The following LRP6 variants were observed in gnomAD, a reference collection of about 807,000 sequenced individuals.
LRP6 encodes LDL receptor related protein 6, also known as low-density lipoprotein receptor-related protein 6.
A neutral mutation model predicts 184.1 loss-of-function variants in LRP6; 43 were observed. The observed-to-expected ratio is 0.23, with a 90% CI of 0.18 to 0.30. LRP6 has a LOEUF of 0.30. Among genes scored for constraint, LRP6 ranks in the 10% least tolerant of loss-of-function variants. The pLI is 1.00. For missense variants in LRP6, 1,571 were observed against 2,005.3 expected (o/e 0.78, Z 4.14); for synonymous variants, 719 against 684.9 (o/e 1.05, Z -0.78).
chr12:12,237,546 AC>A (rs754676275), intron 2 of LRP6, among the ~76,000 whole-genome samples: 1 of 152,228 alleles, frequency 6.6e-6, no homozygotes, highest in East Asian at 1.9e-4. Context: ...TGAAAAAAAA[AC>A]TAGCAGACAA....
intron 3 of LRP6, among the ~76,000 whole-genome samples, chr12:12,196,884 C>G (rs1863776515): frequency 6.6e-6 from 1 of 152,030 alleles, no homozygotes; most frequent in Non-Finnish European, 1.5e-5. Context: ...ATGTTAGTAG[C>G]CATCGACGCT....
intron 1 of LRP6, among the ~76,000 whole-genome samples, chr12:12,257,054 T>C (rs1865481816): frequency 6.6e-6 from 1 of 151,932 alleles, no homozygotes; most frequent in African/African-American, 2.4e-5. Flanking sequence ...ATATTCAGAG[T>C]AAGCAAATCC....
At chr12:12,144,022 G>A (rs718403) in intron 15 of LRP6, among the ~76,000 whole-genome samples, 30,245 of 151,976 alleles carry the variant, frequency 0.2, 3,464 homozygotes, top group African/African-American at 0.31. Context: ...GATGTTAACC[G>A]TAAAAAGAAA....
chr12:12,187,385 A>C (rs1369400572), intron 3 of LRP6: 1 of 473,088 alleles, frequency 2.1e-6, no homozygotes, highest in South Asian at 2.2e-5. Context: ...GATACCCGGC[A>C]GAGAGAGAGC....
At chr12:12,249,482 A>T in intron 1 of LRP6, 2 of 658,316 alleles carry the variant, frequency 3.0e-6, no homozygotes, top group Non-Finnish European at 2.7e-6. Context: ...GAAAAGAAAA[A>T]CCACAGGCCC....
intron 18 of LRP6, among the ~76,000 whole-genome samples, chr12:12,131,327 C>T (rs1409801124): frequency 1.3e-5 from 2 of 151,938 alleles, no homozygotes; most frequent in African/African-American, 4.8e-5. Context: ...CCAGGATGGT[C>T]TCTATCTCCT....
At chr12:12,212,483 G>A (rs949654196) in intron 2 of LRP6, among the ~76,000 whole-genome samples, 13 of 152,016 alleles carry the variant, frequency 8.6e-5, no homozygotes, top group Non-Finnish European at 1.3e-4. Context: ...ACAACTGCTC[G>A]GCTAACAAGC....
chr12:12,228,854 C>T (rs1293486374), intron 2 of LRP6, among the ~76,000 whole-genome samples: 1 of 152,106 alleles, frequency 6.6e-6, no homozygotes, highest in South Asian at 2.1e-4. Flanking sequence ...GGGACCACTG[C>T]TCTAGGGAAA....
intron 15 of LRP6, among the ~76,000 whole-genome samples, chr12:12,142,944 A>G: frequency 6.6e-6 from 1 of 152,032 alleles, no homozygotes; most frequent in Non-Finnish European, 1.5e-5. Flanking sequence ...CCTATTCAAC[A>G]CTGTACTGGG....
intron 2 of LRP6, among the ~76,000 whole-genome samples, chr12:12,222,579 GA>G (rs1864520347): frequency 6.9e-6 from 1 of 144,248 alleles, no homozygotes; most frequent in East Asian, 2.0e-4. Context: ...AAAAAAAAAA[GA>G]AAGAAAGAAA....
rs115968797 is a variant in LRP6, at chr12:12,179,657, G to A, written c.1545+153C>T. Among the ~76,000 whole-genome samples the A allele has an allele frequency of 3.0e-3, 462 of 152,138 alleles. 3 individuals are homozygous for A. The highest frequency in any genetic ancestry group is 0.01 in the African/African-American group (435 of 41,498). On this transcript the variant is annotated intron_variant, in intron 7 of 22. Transcript: ENST00000261349. ...TGTGGAAGAGAATATATTATCCCTA[G>A]AATCATGAAGGTTGAGTAAAATTTC...
rs1949584051 is a variant in LRP6, at chr12:12,120,043, A to ATT, written c.*1082_*1083insAA. On this transcript the variant is annotated 3_prime_UTR_variant, in exon 23 of 23. Transcript: ENST00000261349. ...TATATATATATATATATATATATAT[A>ATT]AATGATTTCGTACTGTGATATATGC... 1 of 114,052 alleles carries ATT rather than the reference A, an allele frequency of 8.8e-6. No homozygotes were observed. Among genetic ancestry groups the ATT allele is most frequent in the East Asian group, 2.8e-4 (1 of 3,588 alleles). The allele number at this position is 114,052 out of a possible 1,614,324, so 7.1% of individuals were successfully genotyped here. A position where few individuals can be genotyped will look rare whatever the true frequency, so the allele number is the denominator to read the frequency against.
At position 12,121,104 on chromosome 12, in the gene LRP6, G is replaced by A; in HGVS notation, c.*22C>T. ...TATTTACATTTTTACGTTGGAGGCA[G>A]TCAGAGGAGGAGGGCCCCTCCTCAG... On this transcript the variant is annotated 3_prime_UTR_variant, in exon 23 of 23. Transcript: ENST00000261349. 6.4e-7 allele frequency: 1 copy of A among 1,568,954 alleles called. No individual in the cohort carries two copies. Among genetic ancestry groups the A allele is most frequent in the Non-Finnish European group, 8.6e-7 (1 of 1,156,322 alleles).
In LRP6 at chr12:12,121,248, G is replaced by A. The variant is rs894943871; in HGVS notation, c.4720C>T (p.Arg1574Ter). ...TCCTCTGCTGACAAGTATTGGCTTC[G>A]GGGTGTGGGAGGTGGGGGCACAGGT... ...SEPVPPPPTP[R>*]SQYLSAEENY... Residue 1574 changes from arginine to a stop codon, truncating the protein, a stop_gained, in exon 23 of 23, where the codon CGA (arginine) becomes TGA (stop). Coordinates refer to ENST00000261349, the MANE Select transcript of LRP6 (RefSeq NM_002336.3). LOFTEE classifies it high-confidence loss of function. 3 of 1,614,084 alleles carry A rather than the reference G, an allele frequency of 1.9e-6. No homozygotes were observed. Among genetic ancestry groups the A allele is most frequent in the Admixed American group, 1.7e-5 (1 of 59,996 alleles).
intron 19 of LRP6, among the ~76,000 whole-genome samples, chr12:12,127,276 T>C (rs2136849305): frequency 6.6e-6 from 1 of 152,358 alleles, no homozygotes; most frequent in South Asian, 2.1e-4. Context: ...CTTCATTCTA[T>C]ATACCATACA....
Position 12,233,868 on chromosome 12 carries a change from A to G in LRP6, c.449+10394T>C, listed in dbSNP as rs75411415. 2.8e-4 allele frequency among the ~76,000 whole-genome samples: 42 copies of G among 152,258 alleles called. No homozygotes were observed. The South Asian group carries it at 8.7e-3, about 32-fold the overall frequency. On this transcript the variant is annotated intron_variant, in intron 2 of 22. Coordinates refer to ENST00000261349, the MANE Select transcript of LRP6 (RefSeq NM_002336.3). ...AATATCTCAGCTAATTAAAAAAAAA[A>G]CCAGCCTAAAAGCCTACACATAGAG...
intron 1 of LRP6, among the ~76,000 whole-genome samples, chr12:12,249,945 G>A (rs774642990): frequency 1.3e-5 from 2 of 152,050 alleles, no homozygotes; most frequent in Non-Finnish European, 2.9e-5. Flanking sequence ...AGCCATCTTT[G>A]AGCCCCTCCC....
In LRP6 at chr12:12,162,122, A is replaced by T. The variant is rs547469627; in HGVS notation, c.2279+71T>A. 11 of 1,143,022 alleles carry T rather than the reference A, an allele frequency of 9.6e-6. No homozygotes were observed. The African/African-American group carries it at 1.5e-4, about 16-fold the overall frequency. The allele number at this position is 1,143,022 out of a possible 1,614,324, so 70.8% of individuals were successfully genotyped here. A position where few individuals can be genotyped will look rare whatever the true frequency, so the allele number is the denominator to read the frequency against. On this transcript the variant is annotated intron_variant, in intron 10 of 22. Transcript: ENST00000261349. ...TATTATTTAAAACATTAAGAATATC[A>T]TCTGTAACTATGCCATGTTCCCCGA...
Position 12,264,244 on chromosome 12 carries a change from C to T in LRP6, c.55+2437G>A, listed in dbSNP as rs141257037. 2.6e-5 allele frequency among the ~76,000 whole-genome samples: 4 copies of T among 152,070 alleles called. 1 individual carries two copies. The highest frequency in any genetic ancestry group is 9.6e-5 in the African/African-American group (4 of 41,482). On this transcript the variant is annotated intron_variant, in intron 1 of 22. Transcript: ENST00000261349. Reference sequence around the variant, plus strand: ...AAGCAAAAATTATAGCAAAAAGTAACATTAACAAGGTACTCCATATTATTT... The same window carrying T: ...AAGCAAAAATTATAGCAAAAAGTAATATTAACAAGGTACTCCATATTATTT...
Sources: gnomAD v4.1 joint callset for allele counts (sites outside exome capture counted in the v4.1 genomes callset) on GRCh38, gnomAD v4.1.1 for gene constraint, MANE v1.5 for transcripts, NCBI Gene and HGNC (gene_info 2026-07-23, HGNC 2026-07-21) for gene names.